The following LAMC3 variants were observed in gnomAD, a reference collection of about 807,000 sequenced individuals.
LAMC3 encodes laminin subunit gamma-3.
Under a neutral mutation model 173.8 loss-of-function variants are expected in LAMC3, and 128 were observed. The ratio of observed to expected loss-of-function variants is 0.74; its 90% CI spans 0.64 to 0.85. LAMC3 has a LOEUF of 0.85. Among genes scored for constraint, LAMC3 ranks in the 40% least tolerant of loss-of-function variants. The probability of loss-of-function intolerance (pLI) is 0.00; values close to 1 mark genes in which losing one functional copy is unlikely to be tolerated. For synonymous variants in LAMC3, 897 were observed against 909.1 expected, an observed-to-expected ratio of 0.99 and a Z score of 0.24; for missense variants, 2,022 against 2,156.0, an observed-to-expected ratio of 0.94 and a Z score of 1.23.
chr9:131,044,376 G>A (rs1351451782), intron 7 of LAMC3, among the ~76,000 whole-genome samples: 3 of 152,092 alleles, frequency 2.0e-5, no homozygotes, highest in African/African-American at 7.2e-5. Flanking sequence ...CGGGCATGGT[G>A]GCGCACACCT....
At position 131,068,202 on chromosome 9, in the gene LAMC3, C is replaced by T. The variant is rs774628409; in HGVS notation, c.2718C>T (p.Phe906=). The change falls in exon 15 of 28, where the codon TTC becomes TTT. Residue 906 remains phenylalanine (F), a synonymous_variant. Coordinates refer to ENST00000361069, the MANE Select transcript of LAMC3 (RefSeq NM_006059.4). The stretch of plus-strand genomic sequence containing the variant: ...GCAGCCGCTGCTACCCTGGCTTCTT[C>T]GACCTCCAGCCTGGGAGGGGCTGCC... ...RDCSRCYPGF[F]DLQPGRGCRS... is the part of the protein sequence containing the mutation. 11 of 1,611,906 alleles carry T rather than the reference C, an allele frequency of 6.8e-6. No individual in the cohort carries two copies. Among genetic ancestry groups the T allele is most frequent in the African/African-American group, 4.0e-5 (3 of 74,928 alleles).
At chr9:131,046,045 CTGAGCACCT>C (rs1834148511) in intron 8 of LAMC3, among the ~76,000 whole-genome samples, 1 of 152,230 alleles carries the variant, frequency 6.6e-6, no homozygotes, top group Non-Finnish European at 1.5e-5. Flanking sequence ...AGGCACTGTG[CTGAGCACCT>C]AACATGCAAG....
rs146026740 is a variant in LAMC3 at position 131,032,427 on chromosome 9, G to GTTCCTTCC, written c.809+258_809+265dup. On this transcript the variant is annotated intron_variant, in intron 3 of 27. Transcript: ENST00000361069. ...TTCCCATTGTCCCCTCAGCCTGGAG[G>GTTCCTTCC]TTCCTTCCTTCCTCCCTCCCTCCCT... Among the ~76,000 whole-genome samples, 278 of 151,188 alleles carry GTTCCTTCC rather than the reference G, an allele frequency of 1.8e-3. 2 individuals are homozygous for GTTCCTTCC. The highest frequency in any genetic ancestry group is 6.3e-3 in the African/African-American group (261 of 41,196).
At chr9:131,076,407 T>C (rs1164856356) in intron 21 of LAMC3, among the ~76,000 whole-genome samples, 1 of 151,056 alleles carries the variant, frequency 6.6e-6, no homozygotes, top group Non-Finnish European at 1.5e-5. Context: ...TAAAGGTTCA[T>C]GGAGACTCCC....
intron 9 of LAMC3, among the ~76,000 whole-genome samples, chr9:131,051,459 G>C (rs892989501): frequency 6.7e-6 from 1 of 148,412 alleles, no homozygotes; most frequent in Admixed American, 6.8e-5. Context: ...CTGCCTTCTG[G>C]GTTCAAGCAA....
intron 13 of LAMC3, among the ~76,000 whole-genome samples, chr9:131,063,211 C>T (rs777782366): frequency 5.9e-5 from 9 of 152,186 alleles, no homozygotes; most frequent in Non-Finnish European, 1.2e-4. Flanking sequence ...GCTCAAGAAC[C>T]GAGGGATGGA....
At chr9:131,070,657 G>A (rs1476504649) in intron 17 of LAMC3, among the ~76,000 whole-genome samples, 1 of 152,016 alleles carries the variant, frequency 6.6e-6, no homozygotes, top group African/African-American at 2.4e-5. Flanking sequence ...GTCGCAGGGA[G>A]CCAAGATCAT....
At chr9:131,046,377 A>AT (rs1037306369) in intron 8 of LAMC3, among the ~76,000 whole-genome samples, 9 of 148,376 alleles carry the variant, frequency 6.1e-5, no homozygotes, top group South Asian at 4.3e-4. Flanking sequence ...TAATTTTTAT[A>AT]TTTTTTTCTA....
At position 131,077,388 on chromosome 9, in the gene LAMC3, A is replaced by G. The variant is rs1588167099; in HGVS notation, c.3777+54A>G. On this transcript the variant is annotated intron_variant, in intron 22 of 27. Coordinates refer to ENST00000361069, the MANE Select transcript of LAMC3 (RefSeq NM_006059.4). ...TGGGGTCGGGAGGATCTATTATAGA[A>G]GCTGGAGGCTGGGCACGGTGGCTCA... 4 of 1,603,740 alleles carry G rather than the reference A, an allele frequency of 2.5e-6. No homozygotes were observed. The East Asian group carries it at 8.9e-5, about 36-fold the overall frequency.
intron 3 of LAMC3, among the ~76,000 whole-genome samples, chr9:131,032,566 C>CTT (rs1248046451): frequency 3.4e-5 from 5 of 146,990 alleles, no homozygotes; most frequent in Non-Finnish European, 5.9e-5. Flanking sequence ...CGCTCTCTCT[C>CTT]TTGCTCTCTC....
At chr9:131,089,336 T>G (rs1383290509) in intron 27 of LAMC3, among the ~76,000 whole-genome samples, 2 of 151,988 alleles carry the variant, frequency 1.3e-5, no homozygotes, top group Non-Finnish European at 2.9e-5. Context: ...AGAATTTGAC[T>G]ACTCTGGGGA....
At chr9:131,075,406 T>C (rs1328863629) in intron 20 of LAMC3, among the ~76,000 whole-genome samples, 2 of 151,988 alleles carry the variant, frequency 1.3e-5, no homozygotes, top group Non-Finnish European at 2.9e-5. Context: ...AGACCCTGTC[T>C]CTACTAAAAT....
At chr9:131,060,682 T>A (rs796338322) in intron 12 of LAMC3, among the ~76,000 whole-genome samples, 15 of 152,160 alleles carry the variant, frequency 9.9e-5, no homozygotes, top group African/African-American at 3.6e-4. Flanking sequence ...ACAGCAGCGA[T>A]GAGTATGTGT....
At chr9:131,039,283 G>T in intron 6 of LAMC3, 35 bp downstream of exon 6, 1 of 1,536,060 alleles carries the variant, frequency 6.5e-7, no homozygotes. Flanking sequence ...TGGACACATT[G>T]CACTGAATGA....
chr9:131,041,667 G>A lies in LAMC3; in HGVS notation c.1314G>A (p.Leu438=), dbSNP rs2133260842. Reference sequence around the variant, plus strand: ...GCACTTGCAATCCCGCTGGCAGCCTGGACACCTGTGACCCCCGCAGTGGGC... The same window carrying A: ...GCACTTGCAATCCCGCTGGCAGCCTAGACACCTGTGACCCCCGCAGTGGGC... ...RPCTCNPAGS[L]DTCDPRSGRC... is the part of the protein sequence containing the mutation. Residue 438 remains leucine (L), a synonymous_variant, in exon 7 of 28, where the codon CTG becomes CTA. Coordinates refer to ENST00000361069, the MANE Select transcript of LAMC3 (RefSeq NM_006059.4). 2 of 1,614,094 alleles carry A rather than the reference G, an allele frequency of 1.2e-6. No individual in the cohort carries two copies. The highest frequency in any genetic ancestry group is 1.7e-5 in the Admixed American group (1 of 60,024).
At chr9:131,082,781 G>C (rs937041070) in intron 24 of LAMC3, among the ~76,000 whole-genome samples, 1 of 152,142 alleles carries the variant, frequency 6.6e-6, no homozygotes, top group Non-Finnish European at 1.5e-5. Flanking sequence ...CTTATCCAAC[G>C]GGCTGGATAA....
intron 7 of LAMC3, among the ~76,000 whole-genome samples, chr9:131,043,499 C>T (rs1834093690): frequency 6.6e-6 from 1 of 152,188 alleles, no homozygotes; most frequent in Non-Finnish European, 1.5e-5. Context: ...AACGTGGGCC[C>T]ATGTCAAAAG....
chr9:131,053,941 T>C (rs185669346), intron 11 of LAMC3, among the ~76,000 whole-genome samples: 3 of 151,732 alleles, frequency 2.0e-5, no homozygotes, highest in Admixed American at 2.0e-4. Flanking sequence ...GCCCAGGAGG[T>C]TGAGACTGTA....
At position 131,061,011 on chromosome 9, in the gene LAMC3, A is replaced by G. The variant is rs141412993; in HGVS notation, c.2159-24A>G. On this transcript the variant is annotated intron_variant, in intron 12 of 27. Transcript: ENST00000361069. ...ATCTCTGGGCATTCTGGGTTCAGAC[A>G]GTGGTGCTTGTCTTGCCCCTCAGGG... The G allele has an allele frequency of 3.2e-3, 5,146 of 1,613,014 alleles. 12 individuals are homozygous for G. The highest frequency in any genetic ancestry group is 3.9e-3 in the Non-Finnish European group (4,614 of 1,179,074).
Sources: gnomAD v4.1 joint callset for allele counts (sites outside exome capture counted in the v4.1 genomes callset) on GRCh38, gnomAD v4.1.1 for gene constraint, MANE v1.5 for transcripts, NCBI Gene and HGNC (gene_info 2026-07-23, HGNC 2026-07-21) for gene names.